The following PTPRM variants were observed in gnomAD, a reference collection of about 807,000 sequenced individuals.
The protein encoded by PTPRM is protein tyrosine phosphatase receptor type M, also known as receptor-type tyrosine-protein phosphatase mu.
In PTPRM, 47 loss-of-function variants were observed where a neutral mutation model predicts 186.7. The ratio of observed to expected loss-of-function variants is 0.25; its 90% CI spans 0.20 to 0.32. The LOEUF (loss-of-function observed/expected upper bound fraction) is 0.32, where lower values mean the gene tolerates loss of function less well. Ranked by LOEUF, PTPRM falls within the 10% of genes least tolerant of loss-of-function variation. PTPRM has a pLI of 1.00. For missense variants in PTPRM, 1,494 were observed against 1,865.0 expected, an observed-to-expected ratio of 0.80 and a Z score of 3.66; for synonymous variants, 668 against 674.9, an observed-to-expected ratio of 0.99 and a Z score of 0.16.
In PTPRM at chr18:8,054,298, A is replaced by AATATAT. The variant is rs34903203; in HGVS notation, c.1133-15369_1133-15364dup. Among the ~76,000 whole-genome samples the AATATAT allele has an allele frequency of 2.4e-4, 32 of 131,692 alleles. 2 individuals carry two copies. The highest frequency in any genetic ancestry group is 6.2e-4 in the East Asian group (3 of 4,826). 86.4% of individuals were successfully genotyped at this position (131,692 alleles called of 152,430 possible). The stretch of plus-strand genomic sequence containing the variant: ...AGTAGTAATATATACTAGTAGTAGT[A>AATATAT]ATATATATATATATATATATATATT... On this transcript the variant is annotated intron_variant, in intron 7 of 32. Transcript: ENST00000580170.
At chr18:8,093,979 A>G (rs1415056214) in intron 11 of PTPRM, among the ~76,000 whole-genome samples, 2 of 152,168 alleles carry the variant, frequency 1.3e-5, no homozygotes, top group Non-Finnish European at 2.9e-5. Context: ...ATTTTATAAT[A>G]ATTCAGTCCT....
chr18:7,946,815 C>T (rs778841684), intron 5 of PTPRM: 14 of 401,206 alleles, frequency 3.5e-5, no homozygotes, highest in Non-Finnish European at 5.4e-5. Context: ...CTTCCCCACT[C>T]GTGATGTTTC....
At chr18:7,916,347 A>AT (rs1397173966) in intron 4 of PTPRM, among the ~76,000 whole-genome samples, 2 of 152,216 alleles carry the variant, frequency 1.3e-5, no homozygotes, top group South Asian at 4.1e-4. Flanking sequence ...TATTCACATT[A>AT]TTTTTTTAAC....
chr18:7,589,614 A>G (rs1352187242), intron 1 of PTPRM, among the ~76,000 whole-genome samples: 1 of 152,172 alleles, frequency 6.6e-6, no homozygotes, highest in African/African-American at 2.4e-5. Flanking sequence ...GGTTTACAAT[A>G]TAGTAACTCA....
At chr18:8,384,483 C>T in intron 29 of PTPRM, 78 bp from the exon 30 acceptor site, 2 of 1,519,246 alleles carry the variant, frequency 1.3e-6, no homozygotes, top group Non-Finnish European at 1.8e-6. Flanking sequence ...TACTGAGTGT[C>T]AATACTAACC....
At chr18:7,861,364 A>G (rs1398208138) in intron 2 of PTPRM, among the ~76,000 whole-genome samples, 1 of 152,014 alleles carries the variant, frequency 6.6e-6, no homozygotes, top group Non-Finnish European at 1.5e-5. Flanking sequence ...TTATAGTAAT[A>G]TGAAAACTAA....
intron 13 of PTPRM, among the ~76,000 whole-genome samples, chr18:8,126,035 T>G (rs2092353866): frequency 9.1e-6 from 1 of 110,256 alleles, no homozygotes. Context: ...ATATTTTAAA[T>G]CAGTAGACCT....
chr18:7,582,432 G>T (rs2036869989), intron 1 of PTPRM, among the ~76,000 whole-genome samples: 1 of 152,150 alleles, frequency 6.6e-6, no homozygotes, highest in Non-Finnish European at 1.5e-5. Flanking sequence ...GCTAATGCTT[G>T]GGAAGAGTAC....
chr18:7,900,151 C>T (rs148942189), intron 3 of PTPRM, among the ~76,000 whole-genome samples: 7 of 152,338 alleles, frequency 4.6e-5, no homozygotes, highest in Admixed American at 3.9e-4. Context: ...ATATTTCAGG[C>T]TTTACAGTCC....
At chr18:8,317,943 A>G (rs563478757) in intron 21 of PTPRM, among the ~76,000 whole-genome samples, 2 of 152,316 alleles carry the variant, frequency 1.3e-5, no homozygotes, top group African/African-American at 2.4e-5. Flanking sequence ...GTGATGGTCT[A>G]AAGAGTTCTA....
intron 1 of PTPRM, among the ~76,000 whole-genome samples, chr18:7,602,780 A>G (rs1021175075): frequency 2.0e-5 from 3 of 150,660 alleles, no homozygotes; most frequent in Non-Finnish European, 1.5e-5. Context: ...TTGGCATTTA[A>G]AAAAAGCTTG....
At chr18:7,920,229 G>A (rs34353140) in intron 4 of PTPRM, among the ~76,000 whole-genome samples, 13,828 of 152,040 alleles carry the variant, frequency 0.091, 911 homozygotes, top group Non-Finnish European at 0.15. Flanking sequence ...CTGCCATTTT[G>A]TTGCTTAATT....
intron 19 of PTPRM, among the ~76,000 whole-genome samples, chr18:8,286,988 C>G (rs994000455): frequency 6.6e-6 from 1 of 151,222 alleles, no homozygotes; most frequent in African/African-American, 2.4e-5. Context: ...AAAAAAGTAT[C>G]CTTAGATTTT....
intron 7 of PTPRM, among the ~76,000 whole-genome samples, chr18:8,026,462 G>A (rs1766999928): frequency 6.6e-6 from 1 of 152,210 alleles, no homozygotes; most frequent in African/African-American, 2.4e-5. Context: ...CTCAAGAGAA[G>A]TGTGTTGAAC....
intron 2 of PTPRM, among the ~76,000 whole-genome samples, chr18:7,817,066 G>A (rs569645106): frequency 1.9e-4 from 29 of 149,458 alleles, no homozygotes; most frequent in African/African-American, 6.4e-4. Context: ...CCTCTGCCTC[G>A]TGGGTTCAAG....
chr18:8,127,362 C>T (rs948978231), intron 13 of PTPRM, among the ~76,000 whole-genome samples: 1 of 150,796 alleles, frequency 6.6e-6, no homozygotes, highest in Admixed American at 6.6e-5. Flanking sequence ...TTAAACTTTC[C>T]TCAGCCTGCC....
At chr18:8,284,909 T>C (rs759409382) in intron 19 of PTPRM, among the ~76,000 whole-genome samples, 10 of 152,218 alleles carry the variant, frequency 6.6e-5, no homozygotes, top group Non-Finnish European at 1.0e-4. Context: ...TAAATTTGAA[T>C]GCACTCAGGA....
At chr18:7,886,090 G>A (rs1379202237) in intron 2 of PTPRM, among the ~76,000 whole-genome samples, 3 of 152,128 alleles carry the variant, frequency 2.0e-5, no homozygotes, top group Non-Finnish European at 4.4e-5. Flanking sequence ...TCATTCAGAC[G>A]TGACCTCAAG....
intron 2 of PTPRM, among the ~76,000 whole-genome samples, chr18:7,855,706 T>C (rs1270852616): frequency 6.6e-6 from 1 of 152,162 alleles, no homozygotes. Flanking sequence ...TTAGATGAAA[T>C]GAAATTCCAG....
Sources: gnomAD v4.1 joint callset for allele counts (sites outside exome capture counted in the v4.1 genomes callset) on GRCh38, gnomAD v4.1.1 for gene constraint, MANE v1.5 for transcripts, NCBI Gene and HGNC (gene_info 2026-07-23, HGNC 2026-07-21) for gene names.